The following SPOCK1 variants were observed in gnomAD, a reference collection of about 807,000 sequenced individuals.
SPOCK1 encodes SPARC (osteonectin), cwcv and kazal like domains proteoglycan 1.
A neutral mutation model predicts 55.3 loss-of-function variants in SPOCK1; 23 were observed. That is an observed-to-expected ratio of 0.42 (90% CI 0.30 to 0.59). The LOEUF (loss-of-function observed/expected upper bound fraction) is 0.59, where lower values mean the gene tolerates loss of function less well. Among genes scored for constraint, SPOCK1 ranks in the 20% least tolerant of loss-of-function variants. The probability of loss-of-function intolerance (pLI) is 0.22; values close to 1 mark genes in which losing one functional copy is unlikely to be tolerated. For missense variants in SPOCK1, 499 were observed against 552.5 expected, an observed-to-expected ratio of 0.90 and a Z score of 0.97; for synonymous variants, 226 against 221.0, an observed-to-expected ratio of 1.02 and a Z score of -0.20.
At chr5:137,294,811 C>A (rs1343847092) in intron 2 of SPOCK1, among the ~76,000 whole-genome samples, 1 of 152,240 alleles carries the variant, frequency 6.6e-6, no homozygotes, top group African/African-American at 2.4e-5. Flanking sequence ...AGGGCCTTTG[C>A]ACTTGCTGTT....
intron 2 of SPOCK1, among the ~76,000 whole-genome samples, chr5:137,367,463 CT>C (rs1447298849): frequency 6.6e-6 from 1 of 152,154 alleles, no homozygotes; most frequent in Non-Finnish European, 1.5e-5. Flanking sequence ...GACAAGGCAC[CT>C]GGGGGACACT....
At chr5:137,050,586 G>A (rs1752186230) in intron 6 of SPOCK1, among the ~76,000 whole-genome samples, 1 of 151,866 alleles carries the variant, frequency 6.6e-6, no homozygotes, top group Non-Finnish European at 1.5e-5. Flanking sequence ...TGGAAATGCA[G>A]AAATCACCCG....
rs980644201 is a variant in SPOCK1, at chr5:137,381,494, G to A, written c.187-114439C>T. Among the ~76,000 whole-genome samples, 8 of 152,278 alleles carry A rather than the reference G, an allele frequency of 5.3e-5. No individual in the cohort carries two copies. In the East Asian group the frequency reaches 1.5e-3, roughly 29 times the overall value. ...AGCACACTTCTGCCTAAACATCCAG[G>A]CAAGTCCATACATCCTCTGAAATCT... On this transcript the variant is annotated intron_variant, in intron 2 of 10. Transcript: ENST00000394945.
chr5:137,471,274 C>T (rs1753732122), intron 2 of SPOCK1, among the ~76,000 whole-genome samples: 1 of 152,182 alleles, frequency 6.6e-6, no homozygotes, highest in Admixed American at 6.5e-5. Flanking sequence ...TTGCTGCCCT[C>T]CCCACCAAAT....
chr5:137,088,832 C>T (rs147271623), intron 5 of SPOCK1, among the ~76,000 whole-genome samples: 40 of 152,174 alleles, frequency 2.6e-4, no homozygotes, highest in African/African-American at 8.9e-4. Context: ...GAGAATCTTC[C>T]AGGTGGATGT....
chr5:137,225,738 G>A (rs1233448469), intron 3 of SPOCK1, among the ~76,000 whole-genome samples: 1 of 152,178 alleles, frequency 6.6e-6, no homozygotes, highest in Admixed American at 6.5e-5. Context: ...CATGTCTAAG[G>A]TGGAGCTGCA....
chr5:136,998,911 C>A (rs1011004018), intron 6 of SPOCK1, among the ~76,000 whole-genome samples: 7 of 152,202 alleles, frequency 4.6e-5, no homozygotes, highest in African/African-American at 1.4e-4. Flanking sequence ...TTGGTGCTCT[C>A]CCAGTGGACT....
intron 2 of SPOCK1, among the ~76,000 whole-genome samples, chr5:137,369,622 C>T (rs79433055): frequency 0.016 from 2,439 of 152,240 alleles, 67 homozygotes; most frequent in African/African-American, 0.055. Context: ...GTTTCCGTAA[C>T]AAAATACATT....
intron 2 of SPOCK1, among the ~76,000 whole-genome samples, chr5:137,397,431 C>T (rs973593731): frequency 2.0e-5 from 3 of 152,184 alleles, no homozygotes; most frequent in African/African-American, 7.2e-5. Flanking sequence ...ACCTTCCTAA[C>T]TGGATCATAA....
chr5:137,412,850 C>A (rs1752238558), intron 2 of SPOCK1, among the ~76,000 whole-genome samples: 1 of 152,062 alleles, frequency 6.6e-6, no homozygotes, highest in Non-Finnish European at 1.5e-5. Flanking sequence ...TGAGAGAAGA[C>A]AAGTGCAGAG....
intron 2 of SPOCK1, among the ~76,000 whole-genome samples, chr5:137,393,234 C>T (rs879914883): frequency 5.3e-5 from 8 of 152,154 alleles, no homozygotes; most frequent in East Asian, 3.8e-4. Context: ...TTGCAGAGGG[C>T]TTACACTCTG....
intron 2 of SPOCK1, among the ~76,000 whole-genome samples, chr5:137,458,760 G>A (rs1220044137): frequency 6.6e-6 from 1 of 152,078 alleles, no homozygotes; most frequent in Non-Finnish European, 1.5e-5. Flanking sequence ...TGTGCTCTGT[G>A]GGCAAAAGGG....
intron 3 of SPOCK1, among the ~76,000 whole-genome samples, chr5:137,205,921 C>A (rs909337381): frequency 6.6e-6 from 1 of 152,184 alleles, no homozygotes; most frequent in Non-Finnish European, 1.5e-5. Flanking sequence ...ATCATTGCCA[C>A]CACTGAACGG....
At chr5:137,478,496 C>A (rs553311902) in intron 2 of SPOCK1, among the ~76,000 whole-genome samples, 1 of 152,236 alleles carries the variant, frequency 6.6e-6, no homozygotes, top group Admixed American at 6.5e-5. Context: ...ACTGGTTTTA[C>A]TTTAAATGCA....
Position 137,088,940 on chromosome 5 carries a change from T to C in SPOCK1, c.475-21111A>G, listed in dbSNP as rs188955893. On this transcript the variant is annotated intron_variant, in intron 5 of 10. Transcript: ENST00000394945. Reference sequence around the variant, plus strand: ...GAAACAGGTTTAGAATCTAATTTGGTGTCTGGTCTTGTGAGAAGCAAGAAG... The same window carrying C: ...GAAACAGGTTTAGAATCTAATTTGGCGTCTGGTCTTGTGAGAAGCAAGAAG... Among the ~76,000 whole-genome samples, 20 of 152,120 alleles carry C rather than the reference T, an allele frequency of 1.3e-4. No homozygotes were observed. The East Asian group carries it at 3.7e-3, about 28-fold the overall frequency.
chr5:137,359,837 C>T (rs1750902333), intron 2 of SPOCK1, among the ~76,000 whole-genome samples: 1 of 152,190 alleles, frequency 6.6e-6, no homozygotes, highest in African/African-American at 2.4e-5. Context: ...GGAGCTTTCT[C>T]TACATCACTT....
intron 2 of SPOCK1, among the ~76,000 whole-genome samples, chr5:137,455,732 T>C (rs1253730155): frequency 6.6e-6 from 1 of 152,068 alleles, no homozygotes. Context: ...CTTCATGGCT[T>C]AAGATTCAGA....
At chr5:137,109,355 A>C (rs1580754863) in intron 5 of SPOCK1, among the ~76,000 whole-genome samples, 1 of 152,266 alleles carries the variant, frequency 6.6e-6, no homozygotes, top group East Asian at 1.9e-4. Flanking sequence ...TTTCTATTGC[A>C]AAGCTCTCTG....
In SPOCK1 at chr5:137,160,615, A is replaced by T. The variant is rs1229649657; in HGVS notation, c.233-19921T>A. Among the ~76,000 whole-genome samples, 75 of 43,398 alleles carry T rather than the reference A, an allele frequency of 1.7e-3. 1 individual carries two copies. The highest frequency in any genetic ancestry group is 5.7e-3 in the African/African-American group (57 of 9,976). The allele number at this position is 43,398 out of a possible 152,430, so 28.5% of individuals were successfully genotyped here. The stretch of plus-strand genomic sequence containing the variant: ...TATAATATATTATATATAATATATA[A>T]TATATATTTTATATAATATATAATA... On this transcript the variant is annotated intron_variant, in intron 3 of 10. Coordinates refer to ENST00000394945, the MANE Select transcript of SPOCK1 (RefSeq NM_004598.4).
Sources: gnomAD v4.1 joint callset for allele counts (sites outside exome capture counted in the v4.1 genomes callset) on GRCh38, gnomAD v4.1.1 for gene constraint, MANE v1.5 for transcripts, NCBI Gene and HGNC (gene_info 2026-07-23, HGNC 2026-07-21) for gene names.